The following ANKS1A variants were observed in gnomAD, a reference collection of about 807,000 sequenced individuals.
The protein encoded by ANKS1A is ankyrin repeat and sterile alpha motif domain containing 1A.
Under a neutral mutation model 120.3 loss-of-function variants are expected in ANKS1A, and 55 were observed. That is an observed-to-expected ratio of 0.46 (90% confidence interval 0.37 to 0.57). The LOEUF is 0.57. Among genes scored for constraint, ANKS1A ranks in the 20% least tolerant of loss-of-function variants. ANKS1A has a pLI of 0.00. For synonymous variants in ANKS1A, 590 were observed against 604.7 expected (o/e 0.98, Z 0.36); for missense variants, 1,123 against 1,480.3 (o/e 0.76, Z 3.96).
intron 10 of ANKS1A, among the ~76,000 whole-genome samples, chr6:35,003,260 C>T (rs1179581475): frequency 6.6e-6 from 1 of 152,140 alleles, no homozygotes; most frequent in Non-Finnish European, 1.5e-5. Context: ...TTTACATGCT[C>T]AACCGAATCA....
chr6:34,972,875 T>C lies in ANKS1A; in HGVS notation c.435+2709T>C, dbSNP rs2127515014. 2.0e-5 allele frequency among the ~76,000 whole-genome samples: 3 copies of C among 152,316 alleles called. No individual in the cohort carries two copies. In the South Asian group the frequency reaches 6.2e-4, roughly 32 times the overall value. ...ATTTGGGAAATGGTGGGTGGTTTTT[T>C]CTGGAATATTTGAAATGGCAGGAAT... On this transcript the variant is annotated intron_variant, in intron 3 of 23. Coordinates refer to ENST00000360359, the MANE Select transcript of ANKS1A (RefSeq NM_015245.3).
At chr6:35,080,057 A>T (rs1777591702) in intron 16 of ANKS1A, 129 bp downstream of exon 16, 1 of 1,038,222 alleles carries the variant, frequency 9.6e-7, no homozygotes. Flanking sequence ...AGAAGAGAGG[A>T]GTACAGGAGA....
In ANKS1A at chr6:35,084,600, A is replaced by G. The variant is rs1003048313; in HGVS notation, c.3132+342A>G. Among the ~76,000 whole-genome samples, 4 of 151,576 alleles carry G rather than the reference A, an allele frequency of 2.6e-5. No individual in the cohort carries two copies. Among genetic ancestry groups the G allele is most frequent in the African/African-American group, 9.7e-5 (4 of 41,196 alleles). On this transcript the variant is annotated intron_variant, in intron 21 of 23. Transcript: ENST00000360359. This position sits in a 1 kb window ranked among gnomAD's most constrained non-coding sequence, Gnocchi z 4.8. ...ACCTCAGCCTCCCACGTAACTGGAT[A>G]ATAGGCGTGAGCCACCGCCCCTGAC...
At chr6:34,943,504 CAT>C (rs1211211472) in intron 1 of ANKS1A, among the ~76,000 whole-genome samples, 1 of 152,142 alleles carries the variant, frequency 6.6e-6, no homozygotes, top group Non-Finnish European at 1.5e-5. Flanking sequence ...TGCCTCATGT[CAT>C]ATATCTACCA....
At chr6:35,048,927 G>T (rs911533203) in intron 11 of ANKS1A, among the ~76,000 whole-genome samples, 2 of 152,220 alleles carry the variant, frequency 1.3e-5, no homozygotes, top group African/African-American at 2.4e-5. Context: ...AGAGGAGAGG[G>T]TCTGCCACTT....
rs1777746567 is a variant in ANKS1A, at chr6:35,082,641, T to C, written c.2710-50T>C. The C allele has an allele frequency of 6.4e-7, 1 of 1,555,356 alleles. No individual in the cohort carries two copies. The highest frequency in any genetic ancestry group is 1.2e-5 in the South Asian group (1 of 83,572). ...GTGCTGGAGCCAGGCAGCAAGCCCA[T>C]GTGCTCCTCTGGAGCAAGGAGCAGG... On this transcript the variant is annotated intron_variant, in intron 17 of 23. Coordinates refer to ENST00000360359, the MANE Select transcript of ANKS1A (RefSeq NM_015245.3). This position sits in a 1 kb window ranked among gnomAD's most constrained non-coding sequence, Gnocchi z 4.1.
chr6:34,934,041 C>T (rs1769126682), intron 1 of ANKS1A, among the ~76,000 whole-genome samples: 1 of 152,102 alleles, frequency 6.6e-6, no homozygotes, highest in Admixed American at 6.5e-5. Context: ...GAATTAAAAG[C>T]TTTGTTTTTT....
chr6:35,054,045 A>G, intron 11 of ANKS1A, 54 bp from the exon 12 acceptor site: 2 of 1,507,504 alleles, frequency 1.3e-6, no homozygotes, highest in Admixed American at 3.3e-5. Context: ...GTGAGCTGGT[A>G]AGGTTTACCC....
intron 1 of ANKS1A, among the ~76,000 whole-genome samples, chr6:34,930,763 A>G (rs1213937716): frequency 6.6e-6 from 1 of 152,024 alleles, no homozygotes; most frequent in African/African-American, 2.4e-5. Context: ...TTCTGTTACC[A>G]CAGCCACTGA....
intron 1 of ANKS1A, among the ~76,000 whole-genome samples, chr6:34,964,143 T>C (rs1325109977): frequency 1.3e-5 from 2 of 152,198 alleles, no homozygotes; most frequent in Non-Finnish European, 2.9e-5. Context: ...TATCTTACGA[T>C]TCTAAACCTA....
chr6:34,898,149 G>A (rs1767183347), intron 1 of ANKS1A, among the ~76,000 whole-genome samples: 1 of 152,226 alleles, frequency 6.6e-6, no homozygotes, highest in African/African-American at 2.4e-5. Flanking sequence ...TGCCACCCTT[G>A]ATGAATCAGA....
intron 10 of ANKS1A, among the ~76,000 whole-genome samples, chr6:35,013,657 G>A (rs1319143657): frequency 6.6e-6 from 1 of 152,156 alleles, no homozygotes; most frequent in African/African-American, 2.4e-5. Flanking sequence ...TTTGTCCATG[G>A]GATGAGTGGT....
At chr6:35,040,321 G>A (rs1002887104) in intron 11 of ANKS1A, among the ~76,000 whole-genome samples, 1 of 152,212 alleles carries the variant, frequency 6.6e-6, no homozygotes, top group South Asian at 2.1e-4. Context: ...TGTGGATAAT[G>A]TCTGAGGCCC....
chr6:35,043,408 A>G (rs958332382), intron 11 of ANKS1A, among the ~76,000 whole-genome samples: 1 of 152,242 alleles, frequency 6.6e-6, no homozygotes, highest in Non-Finnish European at 1.5e-5. Context: ...TTCGGGAGTC[A>G]CCTGGGGTGG....
intron 1 of ANKS1A, among the ~76,000 whole-genome samples, chr6:34,940,691 A>G (rs1337380040): frequency 1.3e-5 from 2 of 152,084 alleles, no homozygotes; most frequent in African/African-American, 4.8e-5. Flanking sequence ...CAGGCGGATC[A>G]CAAGGTCAGG....
At position 35,085,879 on chromosome 6, in the gene ANKS1A, T is replaced by C; in HGVS notation, c.3246T>C (p.Ile1082=). ...RATGASAAEM[I]ETKSSKPVPK... The stretch of plus-strand genomic sequence containing the variant: ...CGGGCGCCTCTGCAGCTGAGATGAT[T>C]GAAACAAAATCTTCCAAACCGGTGC... Residue 1082 remains isoleucine, a synonymous_variant, in exon 22 of 24, where the codon ATT becomes ATC. Coordinates refer to ENST00000360359, the MANE Select transcript of ANKS1A (RefSeq NM_015245.3). The surrounding 1 kb of genome is among the most constrained non-coding windows in gnomAD (Gnocchi z 4.7). 6.2e-7 allele frequency: 1 copy of C among 1,613,590 alleles called. No individual in the cohort carries two copies. Among genetic ancestry groups the C allele is most frequent in the Non-Finnish European group, 8.5e-7 (1 of 1,179,878 alleles).
chr6:34,968,865 C>T (rs1771035366), intron 2 of ANKS1A, among the ~76,000 whole-genome samples: 1 of 152,192 alleles, frequency 6.6e-6, no homozygotes. Flanking sequence ...CCCTAATTGA[C>T]TCCAACATAC....
rs552556935 is a variant in ANKS1A, at chr6:34,982,189, C to T, written c.732+203C>T. ...AGTCTATTATTTTTTTGTTTCTTTT[C>T]AGGGGGTAATCCGTAGTCATTAAAC... On this transcript the variant is annotated intron_variant, in intron 4 of 23. Transcript: ENST00000360359. The surrounding 1 kb of genome is among the most constrained non-coding windows in gnomAD (Gnocchi z 4.9). Among the ~76,000 whole-genome samples, 1 of 152,222 alleles carries T rather than the reference C, an allele frequency of 6.6e-6. No homozygotes were observed. The highest frequency in any genetic ancestry group is 2.1e-4 in the South Asian group (1 of 4,826).
chr6:35,093,357 T>C (rs1404304157), downstream of ANKS1A, among the ~76,000 whole-genome samples: 1 of 152,090 alleles, frequency 6.6e-6, no homozygotes, highest in Non-Finnish European at 1.5e-5. Context: ...ATGGCTCACA[T>C]ATTTAAATGT....
Sources: gnomAD v4.1 joint callset for allele counts (sites outside exome capture counted in the v4.1 genomes callset) on GRCh38, gnomAD v4.1.1 for gene constraint, Gnocchi (gnomAD v3.1) non-coding constraint, MANE v1.5 for transcripts, NCBI Gene and HGNC (gene_info 2026-07-23, HGNC 2026-07-21) for gene names.